DLGAP2: variants seen among roughly 807,000 people sequenced by gnomAD.
DLGAP2 encodes disks large-associated protein 2.
Under a neutral mutation model 100.3 loss-of-function variants are expected in DLGAP2, and 26 were observed. That is an observed-to-expected ratio of 0.26 (90% CI 0.19 to 0.36). The LOEUF is 0.36. Ranked by LOEUF, DLGAP2 falls within the 10% of genes least tolerant of loss-of-function variation. DLGAP2 has a pLI of 1.00. For missense variants in DLGAP2, 1,858 were observed against 1,453.2 expected (o/e 1.28, Z -4.53); for synonymous variants, 886 against 630.1 (o/e 1.41, Z -6.08).
intron 3 of DLGAP2, among the ~76,000 whole-genome samples, chr8:1,363,298 C>G (rs1325231958): frequency 2.6e-5 from 4 of 152,146 alleles, no homozygotes; most frequent in African/African-American, 9.7e-5. Context: ...TCTCTCCTGC[C>G]TCTGCCTTGC....
At chr8:918,687 C>T (rs1051447477) in intron 2 of DLGAP2, among the ~76,000 whole-genome samples, 1 of 152,224 alleles carries the variant, frequency 6.6e-6, no homozygotes, top group African/African-American at 2.4e-5. Flanking sequence ...TTAACCCACC[C>T]TGTTATTCAA....
At chr8:1,362,359 G>C (rs779200767) in intron 3 of DLGAP2, among the ~76,000 whole-genome samples, 2 of 152,142 alleles carry the variant, frequency 1.3e-5, no homozygotes, top group Non-Finnish European at 2.9e-5. Context: ...ACCTCAGGTA[G>C]GTTGCCCCTT....
At chr8:1,209,305 T>G (rs1443131669) in intron 2 of DLGAP2, among the ~76,000 whole-genome samples, 1 of 152,192 alleles carries the variant, frequency 6.6e-6, no homozygotes, top group Non-Finnish European at 1.5e-5. Context: ...AAAATAGGCA[T>G]GTAGAGCAAT....
At chr8:798,289 G>A (rs1446089156) in intron 1 of DLGAP2, among the ~76,000 whole-genome samples, 2 of 148,574 alleles carry the variant, frequency 1.3e-5, no homozygotes, top group Non-Finnish European at 3.0e-5. Flanking sequence ...CCCGTGCCCC[G>A]GCGCTGGCCA....
In DLGAP2 at chr8:1,457,017, G is replaced by C. The variant is rs147586865; in HGVS notation, c.107-44349G>C. On this transcript the variant is annotated intron_variant, in intron 3 of 14. Transcript: ENST00000637795. ...CTTTCCCGAGTTCAGAGGGCTGCTT[G>C]GCTCTGGGCCTGCAGATCACAGGGC... is the stretch of plus-strand genomic sequence containing the variant. Among the ~76,000 whole-genome samples, 377 of 152,328 alleles carry C rather than the reference G, an allele frequency of 2.5e-3. 1 individual carries two copies. The highest frequency in any genetic ancestry group is 8.8e-3 in the African/African-American group (368 of 41,582).
At position 1,627,237 on chromosome 8, in the gene DLGAP2, C is replaced by T. The variant is rs1376504592; in HGVS notation, c.1590+350C>T. On this transcript the variant is annotated intron_variant, in intron 7 of 14. Transcript: ENST00000637795. ...AAAGGGGGCCAGGGAAAGGCTCTGGCAGCATGGCTCTCAGCTCTGTCCTCT... is the reference window on the plus strand; with the variant it reads ...AAAGGGGGCCAGGGAAAGGCTCTGGTAGCATGGCTCTCAGCTCTGTCCTCT... 2.0e-5 allele frequency among the ~76,000 whole-genome samples: 3 copies of T among 152,368 alleles called. No homozygotes were observed. In the East Asian group the frequency reaches 5.8e-4, roughly 29 times the overall value.
At chr8:1,106,942 A>T (rs1417418864) in intron 2 of DLGAP2, among the ~76,000 whole-genome samples, 1 of 152,172 alleles carries the variant, frequency 6.6e-6, no homozygotes. Context: ...TTGCTTCAAC[A>T]TCTCAGACGT....
chr8:1,549,702 C>T lies in DLGAP2; in HGVS notation c.1230+19C>T. 1 of 1,521,032 alleles carries T rather than the reference C, an allele frequency of 6.6e-7. No individual in the cohort carries two copies. Among genetic ancestry groups the T allele is most frequent in the Non-Finnish European group, 8.8e-7 (1 of 1,132,142 alleles). The allele number at this position is 1,521,032 out of a possible 1,614,324, so 94.2% of individuals were successfully genotyped here. A position where few individuals can be genotyped will look rare whatever the true frequency, so the allele number is the denominator to read the frequency against. ...CCTCCAGGTAAGCAGGCTCACGGCC[C>T]TGTGGAGGCCGTCTCGGCACAGCAG... On this transcript the variant is annotated intron_variant, in intron 5 of 14. Transcript: ENST00000637795.
intron 2 of DLGAP2, among the ~76,000 whole-genome samples, chr8:1,049,946 GCA>G (rs750398377): frequency 5.3e-5 from 8 of 152,304 alleles, no homozygotes; most frequent in East Asian, 1.9e-4. Flanking sequence ...GTGGATATAT[GCA>G]CACACATGCT....
At chr8:1,379,250 C>T (rs934477633) in intron 3 of DLGAP2, among the ~76,000 whole-genome samples, 1 of 152,264 alleles carries the variant, frequency 6.6e-6, no homozygotes, top group Non-Finnish European at 1.5e-5. Flanking sequence ...GCAGTGCCGG[C>T]TCTGTGCCAG....
intron 10 of DLGAP2, 143 bp from the exon 11 acceptor site, chr8:1,676,390 G>A: frequency 2.6e-6 from 2 of 769,516 alleles, no homozygotes; most frequent in Non-Finnish European, 4.3e-6. Context: ...TTCCCTCTCT[G>A]CGGTTTTACT....
intron 1 of DLGAP2, among the ~76,000 whole-genome samples, chr8:767,665 T>C (rs903210932): frequency 1.3e-5 from 2 of 152,128 alleles, no homozygotes; most frequent in African/African-American, 4.8e-5. Flanking sequence ...GGCTGTTTAA[T>C]TGTTTAAGGT....
intron 2 of DLGAP2, among the ~76,000 whole-genome samples, chr8:1,057,826 C>G (rs556117522): frequency 1.3e-4 from 20 of 152,018 alleles, no homozygotes; most frequent in African/African-American, 4.8e-4. Flanking sequence ...AAACAAAGTA[C>G]TTGTTGAAGC....
At chr8:1,607,677 G>A (rs986621605) in intron 6 of DLGAP2, among the ~76,000 whole-genome samples, 85 of 152,234 alleles carry the variant, frequency 5.6e-4, no homozygotes, top group African/African-American at 1.9e-3. Flanking sequence ...AGGCCAGTGG[G>A]TGCGCGCACC....
At chr8:1,338,864 G>A (rs1203489771) in intron 3 of DLGAP2, among the ~76,000 whole-genome samples, 1 of 145,928 alleles carries the variant, frequency 6.9e-6, no homozygotes, top group African/African-American at 2.6e-5. Flanking sequence ...AGTGACTTCA[G>A]TGAGGCGTCA....
At chr8:1,384,257 G>C (rs542369833) in intron 3 of DLGAP2, among the ~76,000 whole-genome samples, 1 of 152,358 alleles carries the variant, frequency 6.6e-6, no homozygotes, top group Non-Finnish European at 1.5e-5. Context: ...AGCAAGAATT[G>C]TGACTGCACA....
chr8:1,613,604 C>G (rs1044707945), intron 6 of DLGAP2, among the ~76,000 whole-genome samples: 2 of 151,788 alleles, frequency 1.3e-5, no homozygotes, highest in African/African-American at 4.8e-5. Context: ...ACTGCGCACC[C>G]AGCTCCATGA....
chr8:858,455 G>T (rs1157778481), intron 1 of DLGAP2, among the ~76,000 whole-genome samples: 1 of 152,190 alleles, frequency 6.6e-6, no homozygotes, highest in South Asian at 2.1e-4. Flanking sequence ...GAGCCCAGAG[G>T]AATTTTATGA....
chr8:1,252,819 A>G (rs1434028596), intron 2 of DLGAP2, among the ~76,000 whole-genome samples: 1 of 152,244 alleles, frequency 6.6e-6, no homozygotes, highest in African/African-American at 2.4e-5. Context: ...CCTGACGAGC[A>G]GAGGATCCTG....
Sources: allele counts gnomAD v4.1 joint callset (sites outside exome capture counted in the v4.1 genomes callset), GRCh38; gene constraint gnomAD v4.1.1; transcripts MANE v1.5; gene names NCBI Gene and HGNC (gene_info 2026-07-23, HGNC 2026-07-21).